The following RBMS1 variants were observed in gnomAD, a reference collection of about 807,000 sequenced individuals.
RBMS1 encodes the protein RNA binding motif single stranded interacting protein 1.
Under a neutral mutation model 62.3 loss-of-function variants are expected in RBMS1, and 17 were observed. The observed-to-expected ratio is 0.27, with a 90% CI of 0.19 to 0.41. The LOEUF (loss-of-function observed/expected upper bound fraction) is 0.41. RBMS1 is among the 10% of genes least tolerant of loss of function. The pLI is 1.00. For missense variants in RBMS1, 334 were observed against 504.5 expected, an observed-to-expected ratio of 0.66 and a Z score of 3.24; for synonymous variants, 172 against 170.0, an observed-to-expected ratio of 1.01 and a Z score of -0.09.
At chr2:160,477,432 GTCTC>G (rs1160955538) in intron 1 of RBMS1, among the ~76,000 whole-genome samples, 4 of 152,140 alleles carry the variant, frequency 2.6e-5, no homozygotes, top group Non-Finnish European at 4.4e-5. Context: ...AAGGGACAGA[GTCTC>G]ACTCTGTCAC....
rs1384776793 is a variant in RBMS1, at chr2:160,272,227, C to T, written c.*2545G>A. ...AAAGCTAACAATCTGATCAAATGTA[C>T]AGTTCAAAAATGTCTTTTGGCGTTT... is the stretch of plus-strand genomic sequence containing the variant. On this transcript the variant is annotated 3_prime_UTR_variant, in exon 14 of 14. Coordinates refer to ENST00000348849, the MANE Select transcript of RBMS1 (RefSeq NM_016836.4). 1 of 152,084 alleles carries T rather than the reference C, an allele frequency of 6.6e-6. No homozygotes were observed. The highest frequency in any genetic ancestry group is 1.9e-4 in the East Asian group (1 of 5,198). The allele number at this position is 152,084 out of a possible 1,614,324, so 9.4% of individuals were successfully genotyped here. A position where few individuals can be genotyped will look rare whatever the true frequency, so the allele number is the denominator to read the frequency against.
intron 1 of RBMS1, among the ~76,000 whole-genome samples, chr2:160,481,634 TGA>T (rs1685376204): frequency 6.6e-6 from 1 of 152,150 alleles, no homozygotes; most frequent in Non-Finnish European, 1.5e-5. Context: ...AACAAAAAGT[TGA>T]ATTGCATGGT....
chr2:160,461,833 G>C (rs756207011), intron 1 of RBMS1, among the ~76,000 whole-genome samples: 1 of 152,204 alleles, frequency 6.6e-6, no homozygotes, highest in African/African-American at 2.4e-5. Context: ...AGAGAGTTTC[G>C]TTGCCCTTGG....
At chr2:160,422,669 T>C (rs1457913771) in intron 1 of RBMS1, among the ~76,000 whole-genome samples, 1 of 136,070 alleles carries the variant, frequency 7.3e-6, no homozygotes, top group African/African-American at 2.8e-5. Context: ...TTAACAAACC[T>C]AAATTCCCCA....
At chr2:160,277,006 T>C (rs888848200) in intron 12 of RBMS1, among the ~76,000 whole-genome samples, 9 of 152,236 alleles carry the variant, frequency 5.9e-5, no homozygotes, top group African/African-American at 1.9e-4. Flanking sequence ...TACTCCTGAG[T>C]AGCTGGGACT....
In RBMS1 at chr2:160,403,196, A is replaced by T. The variant is rs1042028092; in HGVS notation, c.76-35805T>A. Reference sequence around the variant, plus strand: ...ACTCATAGATCCTACCTGACCACAAATACACAGAGATAACATAACATAAAA... The same window carrying T: ...ACTCATAGATCCTACCTGACCACAATTACACAGAGATAACATAACATAAAA... On this transcript the variant is annotated intron_variant, in intron 1 of 13. Coordinates refer to ENST00000348849, the MANE Select transcript of RBMS1 (RefSeq NM_016836.4). Among the ~76,000 whole-genome samples, 3 of 152,316 alleles carry T rather than the reference A, an allele frequency of 2.0e-5. No individual in the cohort carries two copies. In the South Asian group the frequency reaches 6.2e-4, roughly 32 times the overall value.
chr2:160,288,294 T>C (rs1182540068), intron 6 of RBMS1, among the ~76,000 whole-genome samples: 1 of 152,214 alleles, frequency 6.6e-6, no homozygotes, highest in Non-Finnish European at 1.5e-5. Flanking sequence ...AGAAAAATAT[T>C]ACTTGTGGAA....
At chr2:160,428,726 C>T (rs10929985) in intron 1 of RBMS1, among the ~76,000 whole-genome samples, 76,778 of 152,022 alleles carry the variant, frequency 0.51, 20,510 homozygotes, top group East Asian at 0.63. Context: ...CAGAATAAAT[C>T]TGTCTATAGA....
intron 2 of RBMS1, among the ~76,000 whole-genome samples, chr2:160,335,764 T>C (rs116788066): frequency 0.014 from 2,162 of 152,272 alleles, 63 homozygotes; most frequent in African/African-American, 0.048. Context: ...TAACTGTTCT[T>C]AGCTTCCCTT....
At chr2:160,465,339 T>C (rs1684643706) in intron 1 of RBMS1, among the ~76,000 whole-genome samples, 1 of 152,234 alleles carries the variant, frequency 6.6e-6, no homozygotes, top group African/African-American at 2.4e-5. Flanking sequence ...TATCAACAAC[T>C]ATACTGAACA....
intron 2 of RBMS1, among the ~76,000 whole-genome samples, chr2:160,341,494 G>T (rs950003975): frequency 6.6e-6 from 1 of 152,020 alleles, no homozygotes; most frequent in Non-Finnish European, 1.5e-5. Context: ...TCTCCCTCTT[G>T]GTAGCCCAAA....
chr2:160,470,760 GT>G (rs973611753), intron 1 of RBMS1, among the ~76,000 whole-genome samples: 5 of 152,080 alleles, frequency 3.3e-5, no homozygotes, highest in Non-Finnish European at 7.4e-5. Context: ...CGCTCTCAGA[GT>G]GGGGGGGGTA....
intron 1 of RBMS1, among the ~76,000 whole-genome samples, chr2:160,414,457 C>A (rs1696144284): frequency 6.6e-6 from 1 of 151,744 alleles, no homozygotes; most frequent in South Asian, 2.1e-4. Context: ...TATTTTCCCT[C>A]AAAAAAGGGT....
intron 1 of RBMS1, among the ~76,000 whole-genome samples, chr2:160,376,692 G>T (rs571541056): frequency 5.3e-5 from 8 of 151,878 alleles, no homozygotes; most frequent in Admixed American, 1.3e-4. Context: ...CTGGAATGCA[G>T]TAGTGCAATC....
At chr2:160,486,211 T>G (rs1685595749) in intron 1 of RBMS1, among the ~76,000 whole-genome samples, 1 of 152,174 alleles carries the variant, frequency 6.6e-6, no homozygotes, top group South Asian at 2.1e-4. Flanking sequence ...AGTATAGTAT[T>G]ATTTGAGGAT....
chr2:160,384,437 T>C (rs1351637740), intron 1 of RBMS1, among the ~76,000 whole-genome samples: 1 of 152,204 alleles, frequency 6.6e-6, no homozygotes, highest in Non-Finnish European at 1.5e-5. Context: ...TTTAAATCTT[T>C]AGTGATAACT....
At chr2:160,430,505 T>C (rs1269084188) in intron 1 of RBMS1, among the ~76,000 whole-genome samples, 1 of 152,192 alleles carries the variant, frequency 6.6e-6, no homozygotes, top group Non-Finnish European at 1.5e-5. Context: ...CTTAAGTAAA[T>C]GCTATATATC....
At chr2:160,421,000 C>T (rs1696400947) in intron 1 of RBMS1, among the ~76,000 whole-genome samples, 1 of 152,158 alleles carries the variant, frequency 6.6e-6, no homozygotes, top group South Asian at 2.1e-4. Context: ...CCAAGAATTA[C>T]TTTCCCCGGA....
intron 7 of RBMS1, 70 bp downstream of exon 7, chr2:160,286,899 T>C (rs1688428092): frequency 1.2e-6 from 2 of 1,603,904 alleles, no homozygotes; most frequent in East Asian, 2.2e-5. Context: ...CCTTTTTGTG[T>C]TACTTTTCAT....
Sources: gnomAD v4.1 joint callset for allele counts (sites outside exome capture counted in the v4.1 genomes callset) on GRCh38, gnomAD v4.1.1 for gene constraint, MANE v1.5 for transcripts, NCBI Gene and HGNC (gene_info 2026-07-23, HGNC 2026-07-21) for gene names.